The following IQUB variants were observed in gnomAD, a reference collection of about 807,000 sequenced individuals.
The protein encoded by IQUB is IQ motif and ubiquitin domain containing, also known as IQ motif and ubiquitin-like domain-containing protein.
In IQUB, 86 loss-of-function variants were observed where a neutral mutation model predicts 86.4. The observed-to-expected ratio is 1.00, with a 90% confidence interval of 0.84 to 1.19. The LOEUF is 1.19. IQUB is among the 50% of genes most tolerant of loss of function. The pLI is 0.00. For missense variants in IQUB, 946 were observed against 916.9 expected, an observed-to-expected ratio of 1.03 and a Z score of -0.41; for synonymous variants, 289 against 304.5, an observed-to-expected ratio of 0.95 and a Z score of 0.53.
intron 1 of IQUB, among the ~76,000 whole-genome samples, chr7:123,525,580 A>C (rs1396329126): frequency 5.9e-5 from 9 of 151,492 alleles, no homozygotes; most frequent in East Asian, 3.9e-4. Context: ...CGTCTATTTG[A>C]TTCTTCTCTC....
At chr7:123,505,968 A>G (rs114264321) in intron 3 of IQUB, among the ~76,000 whole-genome samples, 1,866 of 152,294 alleles carry the variant, frequency 0.012, 33 homozygotes, top group African/African-American at 0.042. Flanking sequence ...ATACTGTTAG[A>G]ACCAGCTAGG....
rs567240192 is a variant in IQUB, at chr7:123,527,669, C to G, written c.-5+6823G>C. ...GACCCACTTGAGGAGGCAGTCTGCC[C>G]GTTCTCAGATCTCCAGCTGCGTGCT... On this transcript the variant is annotated intron_variant, in intron 1 of 12. Transcript: ENST00000324698. Among the ~76,000 whole-genome samples the G allele has an allele frequency of 9.2e-5, 14 of 152,244 alleles. No individual in the cohort carries two copies. The South Asian group carries it at 1.0e-3, about 11-fold the overall frequency.
At chr7:123,507,239 G>A (rs1796219537) in intron 3 of IQUB, among the ~76,000 whole-genome samples, 2 of 152,116 alleles carry the variant, frequency 1.3e-5, no homozygotes, top group African/African-American at 2.4e-5. Context: ...ACCACACTTC[G>A]AGCACCCAAT....
rs540026437 is a variant in IQUB, at chr7:123,530,523, A to G, written c.-5+3969T>C. Among the ~76,000 whole-genome samples the G allele has an allele frequency of 3.3e-5, 5 of 152,228 alleles. No homozygotes were observed. The East Asian group carries it at 7.7e-4, about 23-fold the overall frequency. On this transcript the variant is annotated intron_variant, in intron 1 of 12. Coordinates refer to ENST00000324698, the MANE Select transcript of IQUB (RefSeq NM_178827.5). Reference sequence around the variant, plus strand: ...CTCAAAAAATAAAAAAATTTAAAAAAGCACTTTTTAATTTTCAGGGAAAAA... The same window carrying G: ...CTCAAAAAATAAAAAAATTTAAAAAGGCACTTTTTAATTTTCAGGGAAAAA...
intron 11 of IQUB, 24 bp from the exon 12 acceptor site, chr7:123,457,590 A>G: frequency 6.4e-7 from 1 of 1,557,302 alleles, no homozygotes; most frequent in African/African-American, 1.4e-5. Context: ...CAAGTTTTAA[A>G]AACAATGTAG....
chr7:123,526,753 G>C (rs1797235769), intron 1 of IQUB, among the ~76,000 whole-genome samples: 1 of 150,712 alleles, frequency 6.6e-6, no homozygotes, highest in Non-Finnish European at 1.5e-5. Context: ...GATGTTAGCT[G>C]GTTATTTTGC....
At chr7:123,467,339 G>C (rs1794309411) in intron 9 of IQUB, among the ~76,000 whole-genome samples, 1 of 152,014 alleles carries the variant, frequency 6.6e-6, no homozygotes, top group African/African-American at 2.4e-5. Context: ...CTCAGCGGCA[G>C]GTTGTGGTAG....
chr7:123,475,385 T>G (rs1794703653), intron 8 of IQUB, among the ~76,000 whole-genome samples: 1 of 150,236 alleles, frequency 6.7e-6, no homozygotes, highest in African/African-American at 2.5e-5. Flanking sequence ...TTTTTTTTTT[T>G]TTTTTTTTTG....
intron 9 of IQUB, among the ~76,000 whole-genome samples, chr7:123,467,514 A>G (rs1794317084): frequency 6.6e-6 from 1 of 152,202 alleles, no homozygotes; most frequent in South Asian, 2.1e-4. Context: ...TTGTGGCAGT[A>G]TAAAGACCCA....
chr7:123,495,604 C>G (rs1027743904), intron 7 of IQUB, among the ~76,000 whole-genome samples: 2 of 152,052 alleles, frequency 1.3e-5, no homozygotes, highest in African/African-American at 4.8e-5. Context: ...CCAATTGAGG[C>G]TATTTCTAGG....
At chr7:123,524,381 G>C (rs1797076313) in intron 1 of IQUB, among the ~76,000 whole-genome samples, 1 of 150,162 alleles carries the variant, frequency 6.7e-6, no homozygotes, top group Non-Finnish European at 1.5e-5. Flanking sequence ...TTATTTCCTT[G>C]AGCAGTGGTT....
chr7:123,482,143 A>G (rs1584583627), intron 7 of IQUB, among the ~76,000 whole-genome samples: 1 of 152,106 alleles, frequency 6.6e-6, no homozygotes. Context: ...TCTGACTGTC[A>G]TGAATGTTTA....
At chr7:123,465,568 G>C (rs1678894012) in intron 9 of IQUB, among the ~76,000 whole-genome samples, 1 of 151,976 alleles carries the variant, frequency 6.6e-6, no homozygotes, top group African/African-American at 2.4e-5. Flanking sequence ...TAATAGAAAT[G>C]AGTGTGGTTG....
intron 1 of IQUB, among the ~76,000 whole-genome samples, chr7:123,516,478 C>A (rs1159951787): frequency 1.3e-5 from 2 of 151,606 alleles, no homozygotes; most frequent in Non-Finnish European, 2.9e-5. Context: ...AATAAAGAAG[C>A]CAAATCAAAA....
intron 10 of IQUB, among the ~76,000 whole-genome samples, chr7:123,464,036 T>C (rs1486971574): frequency 6.6e-6 from 1 of 151,780 alleles, no homozygotes; most frequent in African/African-American, 2.4e-5. Context: ...TTTATTCTTC[T>C]AGAAGTTTTG....
intron 3 of IQUB, among the ~76,000 whole-genome samples, chr7:123,507,968 A>G (rs1796258152): frequency 6.6e-6 from 1 of 152,174 alleles, no homozygotes; most frequent in African/African-American, 2.4e-5. Flanking sequence ...CGGACCTATG[A>G]ATATTACCTT....
chr7:123,463,135 GAACA>G (rs964237646), intron 10 of IQUB, among the ~76,000 whole-genome samples: 11 of 151,790 alleles, frequency 7.2e-5, no homozygotes, highest in African/African-American at 2.4e-4. Flanking sequence ...CTAGATTCAA[GAACA>G]AACTTTAAAT....
At chr7:123,514,220 AT>A (rs1217262851) in intron 1 of IQUB, among the ~76,000 whole-genome samples, 8 of 152,206 alleles carry the variant, frequency 5.3e-5, no homozygotes, top group Non-Finnish European at 1.2e-4. Context: ...CTGCAGACTT[AT>A]CAGAAAAATA....
intron 9 of IQUB, among the ~76,000 whole-genome samples, chr7:123,466,367 T>G (rs1209252504): frequency 2.0e-5 from 3 of 152,136 alleles, no homozygotes; most frequent in Admixed American, 1.3e-4. Context: ...TGTCAGGATT[T>G]ATATTGTATT....
Sources: gnomAD v4.1 joint callset for allele counts (sites outside exome capture counted in the v4.1 genomes callset) on GRCh38, gnomAD v4.1.1 for gene constraint, MANE v1.5 for transcripts, NCBI Gene and HGNC (gene_info 2026-07-23, HGNC 2026-07-21) for gene names.